UBL3: variants seen among roughly 807,000 people sequenced by gnomAD.
UBL3 encodes the protein ubiquitin like 3, also known as ubiquitin-like protein 3.
Under a neutral mutation model 18.4 loss-of-function variants are expected in UBL3, and 6 were observed. That is an observed-to-expected ratio of 0.33 (90% CI 0.18 to 0.64). UBL3 has a LOEUF of 0.64. Among genes scored for constraint, UBL3 ranks in the 30% least tolerant of loss-of-function variants. UBL3 has a pLI of 0.76. For missense variants in UBL3, 109 were observed against 142.9 expected (o/e 0.76, Z 1.21); for synonymous variants, 49 against 46.6 (o/e 1.05, Z -0.21).
chr13:29,850,308 G>T lies in UBL3; in HGVS notation c.-770C>A. 6.5e-6 allele frequency: 1 copy of T among 153,218 alleles called. No individual in the cohort carries two copies. The highest frequency in any genetic ancestry group is 1.8e-4 in the South Asian group (1 of 5,630). 9.5% of individuals were successfully genotyped at this position (153,218 alleles called of 1,614,324 possible). A position where few individuals can be genotyped will look rare whatever the true frequency, so the allele number is the denominator to read the frequency against. ...GCCTCCGGACAGCAGCTGGGGTCGG[G>T]GCGCATCGTCTCCGGCTCCTCGCCA... On this transcript the variant is annotated 5_prime_UTR_variant, in exon 1 of 5. Transcript: ENST00000380680.
intron 1 of UBL3, among the ~76,000 whole-genome samples, chr13:29,830,503 T>G (rs1878744788): frequency 6.6e-6 from 1 of 152,208 alleles, no homozygotes; most frequent in Non-Finnish European, 1.5e-5. Flanking sequence ...TTTCCCAATT[T>G]TTTAGTAAAA....
intron 1 of UBL3, among the ~76,000 whole-genome samples, chr13:29,839,486 CA>C (rs910527026): frequency 2.0e-5 from 3 of 151,798 alleles, no homozygotes; most frequent in South Asian, 2.1e-4. Flanking sequence ...AAAAATATTC[CA>C]AAAAAACCCC....
intron 1 of UBL3, among the ~76,000 whole-genome samples, chr13:29,837,318 C>T (rs1052225398): frequency 1.3e-5 from 2 of 151,914 alleles, no homozygotes; most frequent in African/African-American, 4.8e-5. Flanking sequence ...CTCAAGAAAA[C>T]AGATGAAAAC....
In UBL3 at chr13:29,766,555, G is replaced by GT. The variant is rs1876688606; in HGVS notation, c.*699dup. 1 of 152,560 alleles carries GT rather than the reference G, an allele frequency of 6.6e-6. No homozygotes were observed. The highest frequency in any genetic ancestry group is 2.4e-5 in the African/African-American group (1 of 41,416). 9.5% of individuals were successfully genotyped at this position (152,560 alleles called of 1,614,324 possible). A position where few individuals can be genotyped will look rare whatever the true frequency, so the allele number is the denominator to read the frequency against. The stretch of plus-strand genomic sequence containing the variant: ...CTGTCTAAACAAACACTCAGTTACT[G>GT]TAGGACTCAAGAGTGCATGTCTTAA... On this transcript the variant is annotated 3_prime_UTR_variant, in exon 5 of 5. Transcript: ENST00000380680.
At chr13:29,824,471 A>G (rs1259821520) in intron 1 of UBL3, among the ~76,000 whole-genome samples, 1 of 152,166 alleles carries the variant, frequency 6.6e-6, no homozygotes, top group Admixed American at 6.5e-5. Context: ...GATGATGAGC[A>G]TTTCTTCACG....
intron 1 of UBL3, among the ~76,000 whole-genome samples, chr13:29,791,856 C>A (rs1427184725): frequency 6.6e-6 from 1 of 152,130 alleles, no homozygotes; most frequent in Non-Finnish European, 1.5e-5. Context: ...TAGCAAGAAA[C>A]CATTTATGTC....
chr13:29,797,359 C>T (rs768037850), intron 1 of UBL3, among the ~76,000 whole-genome samples: 27 of 152,170 alleles, frequency 1.8e-4, no homozygotes, highest in Non-Finnish European at 3.4e-4. Flanking sequence ...CAGACAGAAT[C>T]TTAGAATTAT....
intron 1 of UBL3, among the ~76,000 whole-genome samples, chr13:29,798,446 A>G (rs1877672257): frequency 6.6e-6 from 1 of 152,154 alleles, no homozygotes; most frequent in East Asian, 1.9e-4. Flanking sequence ...CATAATTACC[A>G]TGATCACAGA....
chr13:29,812,790 C>CA (rs1878129166), intron 1 of UBL3, among the ~76,000 whole-genome samples: 1 of 151,830 alleles, frequency 6.6e-6, no homozygotes, highest in African/African-American at 2.4e-5. Flanking sequence ...AAGTATAATG[C>CA]ACCTTAGATT....
chr13:29,820,815 T>G (rs1878416137), intron 1 of UBL3, among the ~76,000 whole-genome samples: 1 of 152,234 alleles, frequency 6.6e-6, no homozygotes, highest in South Asian at 2.1e-4. Context: ...GTTGTCTTTT[T>G]GTTCTATAAT....
At chr13:29,833,814 A>C (rs577597271) in intron 1 of UBL3, among the ~76,000 whole-genome samples, 1 of 152,302 alleles carries the variant, frequency 6.6e-6, no homozygotes, top group African/African-American at 2.4e-5. Context: ...TAGGAGAAGG[A>C]TTTGTTTGCT....
chr13:29,782,643 A>T (rs1318753433), intron 1 of UBL3, among the ~76,000 whole-genome samples: 1 of 152,194 alleles, frequency 6.6e-6, no homozygotes, highest in Non-Finnish European at 1.5e-5. Context: ...TTGTTAACTC[A>T]CAGTAGAGTT....
At chr13:29,809,907 T>A (rs1266398624) in intron 1 of UBL3, among the ~76,000 whole-genome samples, 1 of 152,138 alleles carries the variant, frequency 6.6e-6, no homozygotes, top group Non-Finnish European at 1.5e-5. Context: ...AATGACTATA[T>A]ATTAATTTAT....
At chr13:29,773,249 A>C (rs9508551) in intron 2 of UBL3, among the ~76,000 whole-genome samples, 147,733 of 152,198 alleles carry the variant, frequency 0.97, 71,764 homozygotes, top group Non-Finnish European at 1. Context: ...ACCACTGCCT[A>C]TAGGTAACTT....
rs189980745 is a variant in UBL3, at chr13:29,843,047, C to T, written c.27+6465G>A. ...GTTAGGAATAAGTAGGCACACTGAT[C>T]ACAGGAAAAAACAGCTGCTCAACAA... On this transcript the variant is annotated intron_variant, in intron 1 of 4. Coordinates refer to ENST00000380680, the MANE Select transcript of UBL3 (RefSeq NM_007106.4). Among the ~76,000 whole-genome samples, 137 of 152,258 alleles carry T rather than the reference C, an allele frequency of 9.0e-4. 1 individual carries two copies. The East Asian group carries it at 0.021, about 23-fold the overall frequency.
intron 1 of UBL3, among the ~76,000 whole-genome samples, chr13:29,825,825 T>A (rs1013861343): frequency 6.6e-6 from 1 of 152,216 alleles, no homozygotes; most frequent in Admixed American, 6.5e-5. Flanking sequence ...TGATATTGGC[T>A]GTGGGTTTGT....
intron 1 of UBL3, among the ~76,000 whole-genome samples, chr13:29,802,231 A>C (rs1877790173): frequency 6.6e-6 from 1 of 152,214 alleles, no homozygotes; most frequent in African/African-American, 2.4e-5. Context: ...CAAGGACAAG[A>C]ACTCAGTGAC....
At chr13:29,774,018 TAAGTA>T (rs1299715813) in intron 2 of UBL3, among the ~76,000 whole-genome samples, 2 of 152,188 alleles carry the variant, frequency 1.3e-5, no homozygotes, top group South Asian at 2.1e-4. Flanking sequence ...ATTTTTAATT[TAAGTA>T]TTTTATGTAA....
intron 1 of UBL3, among the ~76,000 whole-genome samples, chr13:29,842,428 G>A (rs987810995): frequency 1.3e-5 from 2 of 151,854 alleles, no homozygotes; most frequent in African/African-American, 4.8e-5. Flanking sequence ...CAAAATGTTG[G>A]GATTACAGGT....
Sources: gnomAD v4.1 joint callset for allele counts (sites outside exome capture counted in the v4.1 genomes callset) on GRCh38, gnomAD v4.1.1 for gene constraint, MANE v1.5 for transcripts, NCBI Gene and HGNC (gene_info 2026-07-23, HGNC 2026-07-21) for gene names.